ATXN1: variants seen among roughly 807,000 people sequenced by gnomAD.
ATXN1 encodes the protein ataxin-1.
ATXN1 carries 8 observed loss-of-function variants against 56.4 expected under a neutral mutation model. That is an observed-to-expected ratio of 0.14 (90% CI 0.08 to 0.26). The LOEUF is 0.26. Among genes scored for constraint, ATXN1 ranks in the 10% least tolerant of loss-of-function variants. The pLI is 1.00. For synonymous variants in ATXN1, 514 were observed against 494.6 expected (o/e 1.04, Z -0.52); for missense variants, 987 against 1,106.5 (o/e 0.89, Z 1.53).
At chr6:16,509,945 G>A (rs897897908) in intron 5 of ATXN1, among the ~76,000 whole-genome samples, 1 of 152,082 alleles carries the variant, frequency 6.6e-6, no homozygotes, top group African/African-American at 2.4e-5. Context: ...TGGTCTCAAT[G>A]GCCCTCGCAC....
intron 6 of ATXN1, among the ~76,000 whole-genome samples, chr6:16,445,024 C>A (rs190361887): frequency 1.3e-5 from 2 of 152,030 alleles, no homozygotes; most frequent in African/African-American, 4.8e-5. Flanking sequence ...GGTTTCTCAA[C>A]AGAAAAAACT....
intron 3 of ATXN1, among the ~76,000 whole-genome samples, chr6:16,641,613 T>C (rs959137326): frequency 4.6e-5 from 7 of 152,238 alleles, no homozygotes; most frequent in Admixed American, 1.3e-4. Context: ...TCGTCACTCA[T>C]CTAAGAGCTC....
At chr6:16,488,467 T>C (rs1760595013) in intron 5 of ATXN1, among the ~76,000 whole-genome samples, 1 of 152,242 alleles carries the variant, frequency 6.6e-6, no homozygotes, top group South Asian at 2.1e-4. Flanking sequence ...TCTTGGTTCT[T>C]GGTTCAGTGG....
chr6:16,749,671 G>A (rs567041197), intron 2 of ATXN1, among the ~76,000 whole-genome samples: 12 of 152,148 alleles, frequency 7.9e-5, no homozygotes, highest in African/African-American at 2.9e-4. Context: ...GAAGGCAGAC[G>A]AAGGCCATGC....
At chr6:16,688,434 G>C (rs1758964319) in intron 2 of ATXN1, among the ~76,000 whole-genome samples, 1 of 152,172 alleles carries the variant, frequency 6.6e-6, no homozygotes, top group Non-Finnish European at 1.5e-5. Flanking sequence ...ATACCAGCTG[G>C]ATGAACAGTT....
At chr6:16,523,546 A>G (rs1201911700) in intron 4 of ATXN1, among the ~76,000 whole-genome samples, 2 of 152,156 alleles carry the variant, frequency 1.3e-5, no homozygotes, top group Non-Finnish European at 2.9e-5. Context: ...GCGGAGATGG[A>G]GTTTTGCTAC....
intron 2 of ATXN1, among the ~76,000 whole-genome samples, chr6:16,671,640 T>A (rs1758544532): frequency 6.6e-6 from 1 of 152,052 alleles, no homozygotes; most frequent in Non-Finnish European, 1.5e-5. Flanking sequence ...CTATTAACAT[T>A]CCCAAGAGTC....
At chr6:16,399,033 G>A (rs1006802788) in intron 6 of ATXN1, among the ~76,000 whole-genome samples, 2 of 152,272 alleles carry the variant, frequency 1.3e-5, no homozygotes, top group Non-Finnish European at 2.9e-5. Context: ...CTCCAGCCAG[G>A]GTTAAAACCT....
intron 2 of ATXN1, among the ~76,000 whole-genome samples, chr6:16,704,044 CGGTTAAA>C (rs1001010923): frequency 6.6e-6 from 1 of 152,122 alleles, no homozygotes; most frequent in Non-Finnish European, 1.5e-5. Flanking sequence ...ATAACAACAA[CGGTTAAA>C]GCAGCAGCTT....
At chr6:16,578,569 G>A (rs189291667) in intron 4 of ATXN1, among the ~76,000 whole-genome samples, 10 of 152,308 alleles carry the variant, frequency 6.6e-5, no homozygotes, top group Admixed American at 4.6e-4. Flanking sequence ...TCCTTCCAGA[G>A]CCAGCCCAAA....
chr6:16,535,889 TA>T (rs1159446063), intron 4 of ATXN1, among the ~76,000 whole-genome samples: 5 of 152,302 alleles, frequency 3.3e-5, no homozygotes, highest in African/African-American at 1.2e-4. Context: ...GAGTACAGAC[TA>T]ATCATTTTGT....
chr6:16,470,542 T>TA (rs1222558875), intron 6 of ATXN1, among the ~76,000 whole-genome samples: 6 of 152,360 alleles, frequency 3.9e-5, no homozygotes, highest in African/African-American at 1.4e-4. Context: ...CTTTGAAACT[T>TA]ACATGCAAAG....
chr6:16,653,349 T>C (rs1758111652), intron 3 of ATXN1, among the ~76,000 whole-genome samples: 1 of 152,222 alleles, frequency 6.6e-6, no homozygotes, highest in South Asian at 2.1e-4. Context: ...CACTGTGCAC[T>C]GTAGGTGCTT....
At chr6:16,396,013 CAAAAAAAAAAAAA>C (rs59358244) in intron 6 of ATXN1, among the ~76,000 whole-genome samples, 1 of 42,238 alleles carries the variant, frequency 2.4e-5, no homozygotes, top group Non-Finnish European at 4.2e-5. Context: ...GACTCCGTCT[CAAAAAAAAAAAAA>C]AAAAAAAAAA....
At position 16,300,900 on chromosome 6, in the gene ATXN1, C is replaced by T. The variant is rs545028826; in HGVS notation, c.*5429G>A. The T allele has an allele frequency of 1.3e-5, 2 of 152,552 alleles. No homozygotes were observed. Among genetic ancestry groups the T allele is most frequent in the African/African-American group, 2.4e-5 (1 of 41,414 alleles). The allele number at this position is 152,552 out of a possible 1,614,324, so 9.4% of individuals were successfully genotyped here. A position where few individuals can be genotyped will look rare whatever the true frequency, so the allele number is the denominator to read the frequency against. ...ATAGGAATGAACAGTATTCTCAAAT[C>T]GCAGAATACCGAGTTCCCCTCCCTC... On this transcript the variant is annotated 3_prime_UTR_variant, in exon 8 of 8. Transcript: ENST00000436367.
At chr6:16,717,614 T>C (rs988804358) in intron 2 of ATXN1, among the ~76,000 whole-genome samples, 2 of 152,238 alleles carry the variant, frequency 1.3e-5, no homozygotes, top group Admixed American at 6.5e-5. Flanking sequence ...GTGCTCATCA[T>C]GTGGGCCTTG....
intron 4 of ATXN1, among the ~76,000 whole-genome samples, chr6:16,528,480 C>T (rs1761437208): frequency 1.3e-5 from 2 of 152,278 alleles, no homozygotes; most frequent in African/African-American, 4.8e-5. Flanking sequence ...GTAAACATGA[C>T]TTGCCCAGTA....
At chr6:16,678,306 C>G (rs576326302) in intron 2 of ATXN1, among the ~76,000 whole-genome samples, 1 of 152,266 alleles carries the variant, frequency 6.6e-6, no homozygotes, top group East Asian at 1.9e-4. Context: ...TGTACCAATT[C>G]TAAAGTCTCA....
chr6:16,543,679 T>C (rs1761759578), intron 4 of ATXN1, among the ~76,000 whole-genome samples: 1 of 146,184 alleles, frequency 6.8e-6, no homozygotes, highest in Non-Finnish European at 1.5e-5. Context: ...TAAGCATGCC[T>C]AGGGCTCAGA....
Sources: gnomAD v4.1 joint callset for allele counts (sites outside exome capture counted in the v4.1 genomes callset) on GRCh38, gnomAD v4.1.1 for gene constraint, MANE v1.5 for transcripts, NCBI Gene and HGNC (gene_info 2026-07-23, HGNC 2026-07-21) for gene names.